Variants in LRP1B observed in about 807,000 individuals in gnomAD.
LRP1B encodes the protein low-density lipoprotein receptor-related protein 1B.
In LRP1B, 217 loss-of-function variants were observed where a neutral mutation model predicts 556.6. That is an observed-to-expected ratio of 0.39 (90% CI 0.35 to 0.44). The LOEUF is 0.44. Among genes scored for constraint, LRP1B ranks in the 20% least tolerant of loss-of-function variants. LRP1B has a pLI of 1.00. For synonymous variants in LRP1B, 2,047 were observed against 1,865.8 expected (o/e 1.10, Z -2.50); for missense variants, 5,053 against 5,620.8 (o/e 0.90, Z 3.23).
chr2:142,038,166 G>C (rs954087230), intron 1 of LRP1B, among the ~76,000 whole-genome samples: 2 of 151,548 alleles, frequency 1.3e-5, no homozygotes, highest in Non-Finnish European at 3.0e-5. Flanking sequence ...TTCAGCTATT[G>C]CTCATTTACA....
At chr2:140,596,061 T>G (rs966168826) in intron 43 of LRP1B, among the ~76,000 whole-genome samples, 1 of 152,110 alleles carries the variant, frequency 6.6e-6, no homozygotes, top group Non-Finnish European at 1.5e-5. Flanking sequence ...AACATGAAAG[T>G]GAAAAGAATA....
chr2:140,730,991 T>A (rs1236768885), intron 35 of LRP1B, among the ~76,000 whole-genome samples: 3 of 152,192 alleles, frequency 2.0e-5, no homozygotes, highest in Non-Finnish European at 4.4e-5. Flanking sequence ...AGCACTAGCC[T>A]GTTTGTAGCT....
At chr2:140,264,650 G>A (rs944300909) in intron 86 of LRP1B, among the ~76,000 whole-genome samples, 2 of 147,582 alleles carry the variant, frequency 1.4e-5, no homozygotes, top group Non-Finnish European at 3.0e-5. Context: ...AATTCAGGGA[G>A]AGGGAGGCAG....
intron 27 of LRP1B, among the ~76,000 whole-genome samples, chr2:140,863,068 C>T (rs190648314): frequency 1.3e-4 from 20 of 152,166 alleles, no homozygotes; most frequent in Admixed American, 1.2e-3. Context: ...TCCTGTTTGC[C>T]TACAGTAGGT....
Position 140,886,134 on chromosome 2 carries a change from G to A in LRP1B, c.3964+4C>T, listed in dbSNP as rs1368138234. The A allele has an allele frequency of 6.5e-7, 1 of 1,546,222 alleles. No individual in the cohort carries two copies. The highest frequency in any genetic ancestry group is 1.8e-5 in the Admixed American group (1 of 54,696). On this transcript the variant is annotated splice_donor_region_variant and intron_variant, in intron 24 of 90. Coordinates refer to ENST00000389484, the MANE Select transcript of LRP1B (RefSeq NM_018557.3). ...AACATTAAGAAAAATTATAATATAT[G>A]TACCTCCACTTTCAGAAAGCTTTCC...
Position 141,240,345 on chromosome 2 carries a change from T to C in LRP1B, c.592+6881A>G, listed in dbSNP as rs114745874. 6.0e-3 allele frequency among the ~76,000 whole-genome samples: 886 copies of C among 146,534 alleles called. 4 individuals are homozygous for C. The highest frequency in any genetic ancestry group is 0.012 in the Admixed American group (168 of 14,600). On this transcript the variant is annotated intron_variant, in intron 5 of 90. Transcript: ENST00000389484. The stretch of plus-strand genomic sequence containing the variant: ...GATACAGAGGATGCCTTGAAGTCTC[T>C]GAAAAATCAATTTTTTTTTCTTAAA...
chr2:140,985,773 A>G (rs930963280), intron 17 of LRP1B, among the ~76,000 whole-genome samples: 3 of 151,812 alleles, frequency 2.0e-5, no homozygotes, highest in African/African-American at 7.3e-5. Context: ...TATTTCTACC[A>G]TCTAGAAAGG....
intron 6 of LRP1B, among the ~76,000 whole-genome samples, chr2:141,193,609 A>C (rs1436689570): frequency 2.6e-5 from 4 of 152,024 alleles, no homozygotes; most frequent in African/African-American, 9.6e-5. Context: ...GGGAGGAGGG[A>C]GAGGAGTAGA....
chr2:141,213,239 C>G (rs1682645962), intron 6 of LRP1B, among the ~76,000 whole-genome samples: 1 of 151,824 alleles, frequency 6.6e-6, no homozygotes. Context: ...ACATGAGCCC[C>G]CATGCCCAGC....
intron 35 of LRP1B, among the ~76,000 whole-genome samples, chr2:140,724,007 A>G (rs1049691967): frequency 6.6e-6 from 1 of 152,212 alleles, no homozygotes; most frequent in Non-Finnish European, 1.5e-5. Context: ...ATTCTTGTAC[A>G]CAGTTCCTAA....
intron 2 of LRP1B, among the ~76,000 whole-genome samples, chr2:141,681,558 A>G (rs1164354081): frequency 1.3e-5 from 2 of 152,182 alleles, no homozygotes; most frequent in Admixed American, 6.6e-5. Context: ...GTCACTAAAT[A>G]CATTCTGTTG....
At position 141,041,542 on chromosome 2, in the gene LRP1B, A is replaced by G. The variant is rs555021357; in HGVS notation, c.1789+7444T>C. Among the ~76,000 whole-genome samples the G allele has an allele frequency of 6.6e-5, 10 of 152,100 alleles. No individual in the cohort carries two copies. The East Asian group carries it at 1.8e-3, about 27-fold the overall frequency. Reference sequence around the variant, plus strand: ...CCTCCTTTGTCCTGGCCTCCCCCTTATAAATTTCCTTGTGATTACATTTAG... The same window carrying G: ...CCTCCTTTGTCCTGGCCTCCCCCTTGTAAATTTCCTTGTGATTACATTTAG... On this transcript the variant is annotated intron_variant, in intron 11 of 90. Transcript: ENST00000389484.
intron 52 of LRP1B, among the ~76,000 whole-genome samples, chr2:140,509,190 T>C (rs1689550570): frequency 6.6e-6 from 1 of 152,048 alleles, no homozygotes. Context: ...ACAGAACTCA[T>C]TTTAACAAGC....
In LRP1B at chr2:140,949,068, T is replaced by C. The variant is rs574566366; in HGVS notation, c.3136+1167A>G. On this transcript the variant is annotated intron_variant, in intron 20 of 90. Transcript: ENST00000389484. ...ACAAACATATCTGTGTAAAACACTT[T>C]GAAAATGCTTTCTTTTGCTCATGGA... is the stretch of plus-strand genomic sequence containing the variant. 5.3e-5 allele frequency among the ~76,000 whole-genome samples: 8 copies of C among 152,358 alleles called. 2 individuals carry two copies. The highest frequency in any genetic ancestry group is 1.7e-4 in the African/African-American group (7 of 41,590).
At chr2:140,526,060 G>A (rs2104968709) in intron 48 of LRP1B, 67 bp from the exon 49 acceptor site, 1 of 1,503,786 alleles carries the variant, frequency 6.6e-7, no homozygotes, top group Non-Finnish European at 9.2e-7. Flanking sequence ...TTCTATGTAG[G>A]TCATAGAGAT....
intron 7 of LRP1B, among the ~76,000 whole-genome samples, chr2:141,147,258 A>T (rs1701808690): frequency 6.6e-6 from 1 of 152,124 alleles, no homozygotes; most frequent in Admixed American, 6.6e-5. Context: ...CAGTGCCTCA[A>T]CATCCTTTAC....
chr2:140,345,425 TTATTTATTTTCTCTTAATGCACTG>T lies in LRP1B; in HGVS notation c.11892+5348_11892+5371del, dbSNP rs932143807. ...TCAGTTTTTGTACCTCTATATCTTC[TTATTTATTTTCTCTTAATGCACTG>T]TATTTATTTTCTCTTAATGCACTGG... is the stretch of plus-strand genomic sequence containing the variant. On this transcript the variant is annotated intron_variant, in intron 77 of 90. Coordinates refer to ENST00000389484, the MANE Select transcript of LRP1B (RefSeq NM_018557.3). Among the ~76,000 whole-genome samples, 7 of 151,704 alleles carry T rather than the reference TTATTTATTTTCTCTTAATGCACTG, an allele frequency of 4.6e-5. No individual in the cohort carries two copies. The South Asian group carries it at 6.2e-4, about 13-fold the overall frequency.
chr2:140,865,627 A>G (rs1257415879), intron 27 of LRP1B, among the ~76,000 whole-genome samples: 2 of 152,044 alleles, frequency 1.3e-5, no homozygotes, highest in East Asian at 3.9e-4. Flanking sequence ...ATGTTCTCTG[A>G]TCACTCTCAA....
intron 66 of LRP1B, among the ~76,000 whole-genome samples, chr2:140,414,410 C>CTGA (rs1255019183): frequency 3.3e-5 from 5 of 151,938 alleles, no homozygotes; most frequent in African/African-American, 1.2e-4. Flanking sequence ...ACTTATTGTT[C>CTGA]TGATCTCGTT....
Sources: gnomAD v4.1 joint callset for allele counts (sites outside exome capture counted in the v4.1 genomes callset) on GRCh38, gnomAD v4.1.1 for gene constraint, MANE v1.5 for transcripts, NCBI Gene and HGNC (gene_info 2026-07-23, HGNC 2026-07-21) for gene names.